The following TBC1D19 variants were observed in gnomAD, a reference collection of about 807,000 sequenced individuals.
TBC1D19 encodes the protein TBC1 domain family member 19.
In TBC1D19, 60 loss-of-function variants were observed where a neutral mutation model predicts 89.0. That is an observed-to-expected ratio of 0.67 (90% CI 0.55 to 0.84). TBC1D19 has a LOEUF of 0.84. TBC1D19 is among the 40% of genes least tolerant of loss of function. The pLI is 0.00. For missense variants in TBC1D19, 500 were observed against 610.8 expected (o/e 0.82, Z 1.91); for synonymous variants, 189 against 199.7 (o/e 0.95, Z 0.45).
the TBC1D19 span, among the ~76,000 whole-genome samples, chr4:26,787,890 C>A: frequency 1.3e-5 from 2 of 152,286 alleles, no homozygotes; most frequent in African/African-American, 4.8e-5. Context: ...AGGACAGCTG[C>A]AGGACTCTGG....
chr4:26,606,410 A>G (rs917230790), intron 1 of TBC1D19, among the ~76,000 whole-genome samples: 3 of 152,196 alleles, frequency 2.0e-5, no homozygotes, highest in African/African-American at 4.8e-5. Context: ...GCTATCTTCA[A>G]ATAGGAAGCT....
At chr4:26,745,970 T>A (rs1485802855) in intron 18 of TBC1D19, among the ~76,000 whole-genome samples, 1 of 152,228 alleles carries the variant, frequency 6.6e-6, no homozygotes, top group Non-Finnish European at 1.5e-5. Flanking sequence ...CTCACCACTT[T>A]GATTATGATA....
At chr4:26,772,978 C>T in the TBC1D19 span, among the ~76,000 whole-genome samples, 1 of 152,146 alleles carries the variant, frequency 6.6e-6, no homozygotes, top group Admixed American at 6.5e-5. Context: ...TGGGTATATA[C>T]CCAGTAATGG....
At chr4:26,617,931 TG>T (rs1238009417) in intron 3 of TBC1D19, among the ~76,000 whole-genome samples, 3 of 152,190 alleles carry the variant, frequency 2.0e-5, no homozygotes, top group African/African-American at 7.2e-5. Context: ...CAAACAGTAG[TG>T]GGTCTAAAAT....
chr4:26,643,792 T>G (rs1200482469), intron 7 of TBC1D19, among the ~76,000 whole-genome samples: 2 of 152,062 alleles, frequency 1.3e-5, no homozygotes, highest in Admixed American at 1.3e-4. Flanking sequence ...GAGAATACTA[T>G]AAACACCTCT....
chr4:26,667,702 GTA>G (rs983245985), intron 9 of TBC1D19, among the ~76,000 whole-genome samples: 13 of 152,002 alleles, frequency 8.6e-5, no homozygotes, highest in African/African-American at 2.7e-4. Context: ...CTGCTGTGGA[GTA>G]TATACCTGGG....
chr4:26,582,255 T>C (rs1355163948), upstream of TBC1D19, among the ~76,000 whole-genome samples: 1 of 152,178 alleles, frequency 6.6e-6, no homozygotes, highest in Non-Finnish European at 1.5e-5. Flanking sequence ...TTGTTCCTCA[T>C]ACTGTCTCCT....
At chr4:26,641,501 A>G (rs577006443) in intron 7 of TBC1D19, among the ~76,000 whole-genome samples, 6 of 152,230 alleles carry the variant, frequency 3.9e-5, no homozygotes, top group Non-Finnish European at 8.8e-5. Context: ...AAAATTCTAA[A>G]AACCAGAGTG....
chr4:26,793,299 C>T, the TBC1D19 span, among the ~76,000 whole-genome samples: 1 of 152,170 alleles, frequency 6.6e-6, no homozygotes, highest in Admixed American at 6.5e-5. Flanking sequence ...ATTCATCCTA[C>T]GGTGTGTGAT....
At chr4:26,634,315 G>A (rs961578092) in intron 4 of TBC1D19, among the ~76,000 whole-genome samples, 12 of 151,948 alleles carry the variant, frequency 7.9e-5, no homozygotes, top group African/African-American at 2.7e-4. Flanking sequence ...CTTTTTGTAT[G>A]GGTCCCATGG....
chr4:26,589,557 G>A (rs1739635758), intron 1 of TBC1D19, among the ~76,000 whole-genome samples: 1 of 152,142 alleles, frequency 6.6e-6, no homozygotes, highest in South Asian at 2.1e-4. Flanking sequence ...TGGATGTGGA[G>A]CTTTCCCAGC....
intron 11 of TBC1D19, among the ~76,000 whole-genome samples, chr4:26,676,397 C>G (rs7683324): frequency 0.39 from 58,991 of 152,014 alleles, 12,341 homozygotes; most frequent in Non-Finnish European, 0.47. Context: ...GTACCTGGTC[C>G]TTTCCTCAAC....
rs183887755 is a variant in TBC1D19 at position 26,659,851 on chromosome 4, T to C, written c.591+144T>C. 56 of 494,692 alleles carry C rather than the reference T, an allele frequency of 1.1e-4. 1 individual carries two copies. The East Asian group carries it at 1.7e-3, about 15-fold the overall frequency. 30.6% of individuals were successfully genotyped at this position (494,692 alleles called of 1,614,324 possible). Reference sequence around the variant, plus strand: ...GACGTTGATTCTTTTATTGCAAATATGTATATAGAGAGAGCAAGTTGTTTT... The same window carrying C: ...GACGTTGATTCTTTTATTGCAAATACGTATATAGAGAGAGCAAGTTGTTTT... On this transcript the variant is annotated intron_variant, in intron 8 of 20. Coordinates refer to ENST00000264866, the MANE Select transcript of TBC1D19 (RefSeq NM_018317.4).
the TBC1D19 span, among the ~76,000 whole-genome samples, chr4:26,842,637 T>TTTCTTTCTTTCC: frequency 2.8e-5 from 4 of 143,574 alleles, no homozygotes; most frequent in Admixed American, 1.4e-4. Flanking sequence ...TCTTTCTTTC[T>TTTCTTTCTTTCC]TTCTTTCTTT....
downstream of TBC1D19, among the ~76,000 whole-genome samples, chr4:26,759,589 C>T (rs1478572112): frequency 6.6e-6 from 1 of 152,098 alleles, no homozygotes; most frequent in African/African-American, 2.4e-5. Flanking sequence ...TTCCATCTCC[C>T]AAAATAGTTC....
chr4:26,828,597 A>G, the TBC1D19 span, among the ~76,000 whole-genome samples: 3 of 152,246 alleles, frequency 2.0e-5, no homozygotes, highest in Non-Finnish European at 4.4e-5. Context: ...AGTAAAGTAA[A>G]GCGGTTGAGA....
chr4:26,780,179 G>C, the TBC1D19 span, among the ~76,000 whole-genome samples: 8,248 of 152,224 alleles, frequency 0.054, 654 homozygotes, highest in African/African-American at 0.17. Flanking sequence ...GAGACCTTAG[G>C]ATATTCAACA....
intron 8 of TBC1D19, among the ~76,000 whole-genome samples, chr4:26,666,085 T>G (rs555731013): frequency 1.3e-5 from 2 of 152,150 alleles, no homozygotes; most frequent in East Asian, 3.9e-4. Context: ...TTTCTATTCA[T>G]GATTATTTTA....
chr4:26,817,981 A>AAT, the TBC1D19 span, among the ~76,000 whole-genome samples: 401 of 126,040 alleles, frequency 3.2e-3, 5 homozygotes, highest in Admixed American at 0.014. Flanking sequence ...AAAAAAAAAA[A>AAT]ATATATATAT....
Sources: allele counts gnomAD v4.1 joint callset (sites outside exome capture counted in the v4.1 genomes callset), GRCh38; gene constraint gnomAD v4.1.1; transcripts MANE v1.5; gene names NCBI Gene and HGNC (gene_info 2026-07-23, HGNC 2026-07-21).